PLSCR2: variants seen among roughly 807,000 people sequenced by gnomAD.
The protein encoded by PLSCR2 is PL scramblase 2.
Under a neutral mutation model 25.3 loss-of-function variants are expected in PLSCR2, and 18 were observed. The observed-to-expected ratio is 0.71, with a 90% CI of 0.49 to 1.06. The LOEUF (loss-of-function observed/expected upper bound fraction) is 1.06, where lower values mean the gene tolerates loss of function less well. PLSCR2 is among the 50% of genes least tolerant of loss of function. PLSCR2 has a pLI of 0.00. For synonymous variants in PLSCR2, 88 were observed against 87.3 expected (o/e 1.01, Z -0.04); for missense variants, 243 against 269.5 (o/e 0.90, Z 0.69).
intron 5 of PLSCR2, among the ~76,000 whole-genome samples, chr3:146,449,590 G>A (rs751800448): frequency 4.6e-5 from 7 of 151,864 alleles, no homozygotes; most frequent in East Asian, 1.9e-4. Context: ...GTAGTTTTAC[G>A]AAATTTTTAA....
intron 2 of PLSCR2, among the ~76,000 whole-genome samples, chr3:146,404,207 T>C (rs1304544846): frequency 6.6e-6 from 1 of 152,224 alleles, no homozygotes; most frequent in Non-Finnish European, 1.5e-5. Flanking sequence ...CTTCTCTATA[T>C]AGAAGTACCT....
chr3:146,405,451 T>A (rs141540911), intron 2 of PLSCR2, among the ~76,000 whole-genome samples: 119 of 152,138 alleles, frequency 7.8e-4, no homozygotes, highest in African/African-American at 2.8e-3. Context: ...ACGGAGTCTG[T>A]CTGGCTCTCT....
At chr3:146,453,591 C>T (rs2041023234) in intron 5 of PLSCR2, among the ~76,000 whole-genome samples, 1 of 152,040 alleles carries the variant, frequency 6.6e-6, no homozygotes, top group Admixed American at 6.6e-5. Context: ...TGTAGGAACT[C>T]AAAGATGTCA....
At chr3:146,400,359 A>G (rs1286167024) in intron 2 of PLSCR2, among the ~76,000 whole-genome samples, 5 of 151,562 alleles carry the variant, frequency 3.3e-5, no homozygotes, top group Non-Finnish European at 5.9e-5. Context: ...ACAAAAAAGT[A>G]AAGTTTAAAT....
chr3:146,398,658 A>G (rs1277379575), intron 2 of PLSCR2: 1 of 152,084 alleles, frequency 6.6e-6, no homozygotes, highest in Non-Finnish European at 1.5e-5. Flanking sequence ...TTAATTAATT[A>G]CATTAAAATT....
upstream of PLSCR2, among the ~76,000 whole-genome samples, chr3:146,460,443 GAA>G (rs59446001): frequency 0.052 from 6,906 of 133,774 alleles, 194 homozygotes; most frequent in Admixed American, 0.095. Context: ...GATGAAATTG[GAA>G]AAAAAAAAAA....
intron 1 of PLSCR2, among the ~76,000 whole-genome samples, chr3:146,492,311 A>G (rs1002480413): frequency 1.1e-4 from 16 of 152,150 alleles, no homozygotes; most frequent in Admixed American, 5.2e-4. Flanking sequence ...GATGTAACAG[A>G]CATCTATAGA....
intron 1 of PLSCR2, chr3:146,469,556 C>T: frequency 1.0e-6 from 1 of 985,440 alleles, no homozygotes. Flanking sequence ...TGGCTTCCTC[C>T]CGTCTGCCCC....
At chr3:146,437,747 G>A (rs187483323), downstream of PLSCR2, among the ~76,000 whole-genome samples, 818 of 151,666 alleles carry the variant, frequency 5.4e-3, 1 homozygote, top group Middle Eastern at 0.021. Flanking sequence ...TAATTTTTTT[G>A]AAGGGTTTTT....
intron 6 of PLSCR2, among the ~76,000 whole-genome samples, chr3:146,442,425 T>C (rs899276222): frequency 1.5e-4 from 23 of 152,000 alleles, no homozygotes; most frequent in African/African-American, 5.3e-4. Flanking sequence ...TCTCTCAAAA[T>C]ACCAGTGAAT....
In PLSCR2 at chr3:146,485,886, A is replaced by G. The variant is rs994927529; in HGVS notation, c.-293+10009T>C. 1.2e-4 allele frequency among the ~76,000 whole-genome samples: 18 copies of G among 152,074 alleles called. 1 individual carries two copies. The highest frequency in any genetic ancestry group is 4.3e-4 in the African/African-American group (18 of 41,428). ...AATGGCAGCAGGCAAAAAGAGAGCT[A>G]GTGCAGAGAAGCTCCCATTTTTAAA... On this transcript the variant is annotated intron_variant, in intron 1 of 8. Transcript: ENST00000336685.
chr3:146,471,542 G>A (rs1273769807), intron 1 of PLSCR2, among the ~76,000 whole-genome samples: 1 of 150,884 alleles, frequency 6.6e-6, no homozygotes, highest in Admixed American at 6.6e-5. Context: ...TATATATTGT[G>A]GGTATGTTAA....
intron 1 of PLSCR2, among the ~76,000 whole-genome samples, chr3:146,490,659 G>A (rs929244091): frequency 6.6e-5 from 10 of 152,126 alleles, no homozygotes; most frequent in Non-Finnish European, 1.5e-4. Context: ...TCTGAAATAA[G>A]AATATCAATT....
intron 3 of PLSCR2, among the ~76,000 whole-genome samples, chr3:146,393,808 C>CAAAAAAAAA (rs71849356): frequency 1.6e-5 from 2 of 123,744 alleles, no homozygotes; most frequent in Non-Finnish European, 3.4e-5. Flanking sequence ...GACTCCGTCT[C>CAAAAAAAAA]AAAAAAAAAA....
At chr3:146,433,341 T>A (rs1429754991) in exon 9 of PLSCR2, 1 of 152,170 alleles carries the variant, frequency 6.6e-6, no homozygotes, top group African/African-American at 2.4e-5. Flanking sequence ...TGTTGATGTT[T>A]GATGATTTTT....
chr3:146,481,183 T>C (rs1022313609), intron 1 of PLSCR2, among the ~76,000 whole-genome samples: 1 of 152,210 alleles, frequency 6.6e-6, no homozygotes, highest in Non-Finnish European at 1.5e-5. Flanking sequence ...AAGACAATGA[T>C]GCCCTCTCTC....
chr3:146,468,700 T>C (rs1298769500), intron 1 of PLSCR2, among the ~76,000 whole-genome samples: 1 of 152,186 alleles, frequency 6.6e-6, no homozygotes, highest in Non-Finnish European at 1.5e-5. Flanking sequence ...ATGAGAAAAC[T>C]AAGCCCATAA....
intron 2 of PLSCR2, among the ~76,000 whole-genome samples, chr3:146,408,407 T>C (rs1424477142): frequency 6.6e-6 from 1 of 152,238 alleles, no homozygotes; most frequent in African/African-American, 2.4e-5. Context: ...TCTGTCCAAA[T>C]TAACGGGCCA....
intron 5 of PLSCR2, among the ~76,000 whole-genome samples, chr3:146,453,345 TTA>T (rs933091249): frequency 6.6e-6 from 1 of 152,112 alleles, no homozygotes; most frequent in African/African-American, 2.4e-5. Flanking sequence ...CAAGATTAAG[TTA>T]TAAAACCTTC....
Sources: gnomAD v4.1 joint callset for allele counts (sites outside exome capture counted in the v4.1 genomes callset) on GRCh38, gnomAD v4.1.1 for gene constraint, MANE v1.5 for transcripts, NCBI Gene and HGNC (gene_info 2026-07-23, HGNC 2026-07-21) for gene names.